The following TMED3 variants were observed in gnomAD, a reference collection of about 807,000 sequenced individuals.
TMED3 encodes transmembrane p24 trafficking protein 3.
Under a neutral mutation model 15.0 loss-of-function variants are expected in TMED3, and 9 were observed. That is an observed-to-expected ratio of 0.60 (90% CI 0.36 to 1.04). The LOEUF is 1.04. Ranked by LOEUF, TMED3 falls within the 50% of genes least tolerant of loss-of-function variation. The probability of loss-of-function intolerance (pLI) is 0.01; values close to 1 mark genes in which losing one functional copy is unlikely to be tolerated. For missense variants in TMED3, 267 were observed against 278.9 expected, an observed-to-expected ratio of 0.96 and a Z score of 0.30; for synonymous variants, 117 against 121.4, an observed-to-expected ratio of 0.96 and a Z score of 0.24.
intron 2 of TMED3, among the ~76,000 whole-genome samples, chr15:79,404,948 T>C (rs1246008674): frequency 6.6e-6 from 1 of 152,252 alleles, no homozygotes; most frequent in Non-Finnish European, 1.5e-5. Context: ...CTCTGTATTC[T>C]GCCATAGGCC....
chr15:79,401,295 T>C (rs181057650), intron 2 of TMED3, among the ~76,000 whole-genome samples: 3 of 152,350 alleles, frequency 2.0e-5, no homozygotes, highest in East Asian at 3.9e-4. Flanking sequence ...CTCTGGCATG[T>C]AGCAGCTGCT....
intron 2 of TMED3, among the ~76,000 whole-genome samples, chr15:79,343,463 A>G (rs1189874223): frequency 6.6e-6 from 1 of 152,196 alleles, no homozygotes; most frequent in African/African-American, 2.4e-5. Flanking sequence ...TCTGAGTAGT[A>G]TTTTATGCTA....
intron 2 of TMED3, among the ~76,000 whole-genome samples, chr15:79,333,724 CT>C (rs1232728659): frequency 6.6e-6 from 1 of 152,110 alleles, no homozygotes; most frequent in East Asian, 1.9e-4. Context: ...GCTTGGCTAC[CT>C]TTTTTCAATA....
chr15:79,409,487 C>T (rs899828660), intron 2 of TMED3, among the ~76,000 whole-genome samples: 28 of 152,332 alleles, frequency 1.8e-4, no homozygotes, highest in Middle Eastern at 3.4e-3. Flanking sequence ...ACAAACACTG[C>T]TCAGAGTTCA....
At chr15:79,405,783 G>A (rs946614253) in intron 2 of TMED3, among the ~76,000 whole-genome samples, 1 of 152,192 alleles carries the variant, frequency 6.6e-6, no homozygotes, top group Non-Finnish European at 1.5e-5. Context: ...CTTTGTAAAT[G>A]TCAAGACAAT....
intron 2 of TMED3, among the ~76,000 whole-genome samples, chr15:79,368,940 A>G (rs1306455553): frequency 6.6e-6 from 1 of 151,750 alleles, no homozygotes; most frequent in East Asian, 1.9e-4. Flanking sequence ...ACACACGCAA[A>G]AAAAATTAGC....
intron 2 of TMED3, among the ~76,000 whole-genome samples, chr15:79,396,406 A>G (rs912814883): frequency 2.0e-5 from 3 of 152,204 alleles, no homozygotes; most frequent in African/African-American, 7.2e-5. Flanking sequence ...GCTGGGGGCT[A>G]GAATCTTCAT....
At chr15:79,330,879 C>T (rs2058805782) in intron 2 of TMED3, among the ~76,000 whole-genome samples, 1 of 152,192 alleles carries the variant, frequency 6.6e-6, no homozygotes, top group Non-Finnish European at 1.5e-5. Context: ...AATTAATCTA[C>T]ATATCTATAG....
chr15:79,409,176 T>G (rs527585274), intron 2 of TMED3, among the ~76,000 whole-genome samples: 11 of 152,276 alleles, frequency 7.2e-5, no homozygotes, highest in Non-Finnish European at 1.3e-4. Flanking sequence ...TAAGGACAGG[T>G]CGAGGAGTTA....
chr15:79,314,004 AG>A lies in TMED3; in HGVS notation c.417+1del. 6.2e-7 allele frequency: 1 copy of A among 1,614,190 alleles called. No individual in the cohort carries two copies. Among genetic ancestry groups the A allele is most frequent in the Non-Finnish European group, 8.5e-7 (1 of 1,180,016 alleles). ...GGGAACAGGGTCACAGCTCTCACCC[AG>A]GTGAGTGAACATTAGCAGTTCGGGG... is the stretch of plus-strand genomic sequence containing the variant. Reference protein sequence around the residue: ...DMGNRVTALTQMESACVTIHE... With the variant: ...DMGNRVTALTXMESACVTIHE... On this transcript the variant is annotated frameshift_variant and splice_region_variant, in exon 2 of 3. Transcript: ENST00000299705. LOFTEE classifies it high-confidence loss of function.
intron 2 of TMED3, among the ~76,000 whole-genome samples, chr15:79,403,424 C>T (rs981203347): frequency 1.5e-4 from 23 of 152,122 alleles, no homozygotes; most frequent in African/African-American, 5.5e-4. Flanking sequence ...AGGGACCCCT[C>T]CTTCCCTAAG....
chr15:79,353,667 C>T (rs1595897616), intron 2 of TMED3, among the ~76,000 whole-genome samples: 1 of 150,022 alleles, frequency 6.7e-6, no homozygotes, highest in East Asian at 1.9e-4. Flanking sequence ...ATTTTTTTCT[C>T]GATGGCAGAG....
chr15:79,311,915 C>T (rs1458246678), intron 1 of TMED3, among the ~76,000 whole-genome samples: 1 of 152,212 alleles, frequency 6.6e-6, no homozygotes, highest in African/African-American at 2.4e-5. Context: ...AGAATGGGCA[C>T]TTTGGAAAGG....
chr15:79,321,439 G>T (rs1035522169), intron 2 of TMED3, among the ~76,000 whole-genome samples: 4 of 152,220 alleles, frequency 2.6e-5, no homozygotes, highest in African/African-American at 9.6e-5. Context: ...TTACATACAT[G>T]AAGCGTGTGT....
chr15:79,395,294 C>T (rs984124346), intron 2 of TMED3, among the ~76,000 whole-genome samples: 1 of 152,190 alleles, frequency 6.6e-6, no homozygotes. Context: ...ATTCTAGTGC[C>T]TCAGCCTCCC....
intron 2 of TMED3, among the ~76,000 whole-genome samples, chr15:79,359,489 A>G (rs1401197462): frequency 6.6e-6 from 1 of 152,058 alleles, no homozygotes; most frequent in Non-Finnish European, 1.5e-5. Context: ...CAGCCTCCCA[A>G]AGTGCTGGGA....
chr15:79,312,960 C>A (rs1373881513), intron 1 of TMED3, among the ~76,000 whole-genome samples: 1 of 152,112 alleles, frequency 6.6e-6, no homozygotes, highest in Non-Finnish European at 1.5e-5. Flanking sequence ...CCACTGCAAC[C>A]CCAGGGGGTT....
At chr15:79,366,636 T>C (rs1302446331) in intron 2 of TMED3, among the ~76,000 whole-genome samples, 1 of 152,230 alleles carries the variant, frequency 6.6e-6, no homozygotes, top group East Asian at 1.9e-4. Context: ...CCCAGCAGGC[T>C]CCTAAGAGGG....
intron 2 of TMED3, among the ~76,000 whole-genome samples, chr15:79,359,480 A>C (rs1595899640): frequency 6.6e-6 from 1 of 152,046 alleles, no homozygotes; most frequent in East Asian, 1.9e-4. Flanking sequence ...TGCCCACCTC[A>C]GCCTCCCAAA....
Sources: gnomAD v4.1 joint callset for allele counts (sites outside exome capture counted in the v4.1 genomes callset) on GRCh38, gnomAD v4.1.1 for gene constraint, MANE v1.5 for transcripts, NCBI Gene and HGNC (gene_info 2026-07-23, HGNC 2026-07-21) for gene names.